FGFR2: variants seen among roughly 807,000 people sequenced by gnomAD.
The protein encoded by FGFR2 is BEK fibroblast growth factor receptor.
FGFR2 carries 19 observed loss-of-function variants against 95.9 expected under a neutral mutation model. The observed-to-expected ratio is 0.20, with a 90% confidence interval of 0.14 to 0.29. The LOEUF (loss-of-function observed/expected upper bound fraction) is 0.29, where lower values mean the gene tolerates loss of function less well. Among genes scored for constraint, FGFR2 ranks in the 10% least tolerant of loss-of-function variants. The pLI is 1.00. For synonymous variants in FGFR2, 392 were observed against 393.3 expected, an observed-to-expected ratio of 1.00 and a Z score of 0.04; for missense variants, 707 against 1,056.9, an observed-to-expected ratio of 0.67 and a Z score of 4.59.
chr10:121,493,386 G>A (rs927848443), intron 13 of FGFR2, among the ~76,000 whole-genome samples: 9 of 152,124 alleles, frequency 5.9e-5, no homozygotes, highest in Admixed American at 2.6e-4. Flanking sequence ...GGAGCTCTGG[G>A]TCCTCAGGGC....
chr10:121,482,285 C>A (rs576159359), intron 17 of FGFR2: 145 of 919,240 alleles, frequency 1.6e-4, no homozygotes, highest in Non-Finnish European at 2.2e-4. Flanking sequence ...TTCTTCCCCC[C>A]CTTGAACCGT....
chr10:121,554,904 T>C (rs1381707194), intron 4 of FGFR2, among the ~76,000 whole-genome samples: 1 of 152,110 alleles, frequency 6.6e-6, no homozygotes, highest in African/African-American at 2.4e-5. Flanking sequence ...TCCAGGCACT[T>C]AGAACGGGCT....
intron 4 of FGFR2, among the ~76,000 whole-genome samples, chr10:121,556,605 G>T (rs529738819): frequency 6.6e-6 from 1 of 152,206 alleles, no homozygotes; most frequent in African/African-American, 2.4e-5. Flanking sequence ...CCAGAGGCCG[G>T]GCTGAGGCCA....
chr10:121,525,851 G>C (rs1487246861), intron 6 of FGFR2, among the ~76,000 whole-genome samples: 1 of 151,990 alleles, frequency 6.6e-6, no homozygotes, highest in African/African-American at 2.4e-5. Flanking sequence ...TGCATCCCGG[G>C]GATCAGAAGG....
At chr10:121,507,795 C>T (rs1361204751) in intron 9 of FGFR2, among the ~76,000 whole-genome samples, 3 of 152,184 alleles carry the variant, frequency 2.0e-5, no homozygotes, top group African/African-American at 7.2e-5. Flanking sequence ...AAAGACACTT[C>T]TCTCTGGGTA....
intron 2 of FGFR2, among the ~76,000 whole-genome samples, chr10:121,591,479 A>G (rs571466295): frequency 3.3e-5 from 5 of 152,320 alleles, no homozygotes; most frequent in African/African-American, 1.2e-4. Flanking sequence ...GAAATCTCCT[A>G]ACAACCTTTT....
chr10:121,493,021 C>A (rs1846337775), intron 13 of FGFR2, among the ~76,000 whole-genome samples: 2 of 152,112 alleles, frequency 1.3e-5, no homozygotes, highest in Non-Finnish European at 1.5e-5. Context: ...ACTCTTCAGA[C>A]CTACAAGTCC....
At chr10:121,505,981 C>T (rs1043078014) in intron 9 of FGFR2, among the ~76,000 whole-genome samples, 1 of 152,116 alleles carries the variant, frequency 6.6e-6, no homozygotes, top group Non-Finnish European at 1.5e-5. Flanking sequence ...AGTTCTTCCC[C>T]ATGAACAGGC....
At chr10:121,514,291 G>A (rs1849407715) in intron 9 of FGFR2, among the ~76,000 whole-genome samples, 1 of 152,132 alleles carries the variant, frequency 6.6e-6, no homozygotes, top group South Asian at 2.1e-4. Flanking sequence ...TTCCATCTCT[G>A]TGAATAAGCA....
At chr10:121,488,263 G>C in intron 13 of FGFR2, 150 bp from the exon 14 acceptor site, 1 of 1,114,374 alleles carries the variant, frequency 9.0e-7, no homozygotes, top group Non-Finnish European at 1.3e-6. Flanking sequence ...CAGTGTGGCC[G>C]GGTGCGGTGG....
chr10:121,560,655 T>C (rs1564990465), intron 4 of FGFR2, among the ~76,000 whole-genome samples: 1 of 141,258 alleles, frequency 7.1e-6, no homozygotes, highest in Non-Finnish European at 1.5e-5. Flanking sequence ...GCGAGTGACA[T>C]GCTCCACTTA....
intron 5 of FGFR2, among the ~76,000 whole-genome samples, chr10:121,545,088 A>G (rs1854310987): frequency 1.3e-5 from 2 of 152,174 alleles, no homozygotes; most frequent in Non-Finnish European, 2.9e-5. Flanking sequence ...GACTGCACTG[A>G]GCCATGTTCG....
At chr10:121,565,213 A>G (rs878985396) in intron 3 of FGFR2, among the ~76,000 whole-genome samples, 2 of 152,056 alleles carry the variant, frequency 1.3e-5, no homozygotes, top group South Asian at 4.1e-4. Flanking sequence ...TTACTTAAAT[A>G]AAAGCGTACT....
chr10:121,583,837 ACACT>A (rs1296935424), intron 2 of FGFR2, among the ~76,000 whole-genome samples: 2 of 152,026 alleles, frequency 1.3e-5, no homozygotes, highest in African/African-American at 4.8e-5. Flanking sequence ...ACCTGGGCCC[ACACT>A]CACTAATGAT....
At chr10:121,564,314 T>TAA in intron 4 of FGFR2, 188 bp downstream of exon 4, 1 of 618,848 alleles carries the variant, frequency 1.6e-6, no homozygotes, top group Non-Finnish European at 2.9e-6. Flanking sequence ...GGACAAACGA[T>TAA]AGAGAAGGCT....
At chr10:121,528,918 A>C (rs778355830) in intron 6 of FGFR2, among the ~76,000 whole-genome samples, 1 of 152,126 alleles carries the variant, frequency 6.6e-6, no homozygotes, top group Non-Finnish European at 1.5e-5. Flanking sequence ...TTTTCAGTCC[A>C]AAATGTAAAA....
intron 9 of FGFR2, among the ~76,000 whole-genome samples, chr10:121,513,093 C>T (rs1158977127): frequency 6.6e-6 from 1 of 152,146 alleles, no homozygotes; most frequent in African/African-American, 2.4e-5. Flanking sequence ...TGGATGGTCT[C>T]GAACTCCTGA....
chr10:121,491,780 G>A (rs1176201195), intron 13 of FGFR2, among the ~76,000 whole-genome samples: 2 of 151,010 alleles, frequency 1.3e-5, no homozygotes, highest in Non-Finnish European at 2.9e-5. Context: ...TGAGGCAGGA[G>A]AATCGCTAGA....
chr10:121,557,731 C>T (rs928499050), intron 4 of FGFR2, among the ~76,000 whole-genome samples: 2 of 152,098 alleles, frequency 1.3e-5, no homozygotes, highest in African/African-American at 4.8e-5. Flanking sequence ...AACTTCAACA[C>T]AACTAAGAAG....
Sources: allele counts gnomAD v4.1 joint callset (sites outside exome capture counted in the v4.1 genomes callset), GRCh38; gene constraint gnomAD v4.1.1; transcripts MANE v1.5; gene names NCBI Gene and HGNC (gene_info 2026-07-23, HGNC 2026-07-21).